CACNA2D3: variants seen among roughly 807,000 people sequenced by gnomAD.
CACNA2D3 encodes calcium voltage-gated channel auxiliary subunit alpha2delta 3.
Under a neutral mutation model 160.6 loss-of-function variants are expected in CACNA2D3, and 60 were observed. The ratio of observed to expected loss-of-function variants is 0.37; its 90% CI spans 0.30 to 0.46. The LOEUF is 0.46. CACNA2D3 is among the 20% of genes least tolerant of loss of function. The pLI, the probability that CACNA2D3 is intolerant of heterozygous loss-of-function variation, is 1.00. For missense variants in CACNA2D3, 1,205 were observed against 1,365.0 expected, an observed-to-expected ratio of 0.88 and a Z score of 1.85; for synonymous variants, 558 against 492.9, an observed-to-expected ratio of 1.13 and a Z score of -1.75.
intron 14 of CACNA2D3, among the ~76,000 whole-genome samples, chr3:54,818,057 A>G (rs1703497264): frequency 6.6e-6 from 1 of 152,158 alleles, no homozygotes; most frequent in Non-Finnish European, 1.5e-5. Context: ...AGACTTCACA[A>G]ATTCTCTGCC....
intron 11 of CACNA2D3, among the ~76,000 whole-genome samples, chr3:54,685,871 A>G: frequency 6.6e-6 from 1 of 152,166 alleles, no homozygotes; most frequent in Non-Finnish European, 1.5e-5. Flanking sequence ...TTCCTACTAT[A>G]ATCATTAACT....
intron 4 of CACNA2D3, among the ~76,000 whole-genome samples, chr3:54,443,694 C>T (rs1237451825): frequency 6.6e-6 from 1 of 152,188 alleles, no homozygotes; most frequent in East Asian, 1.9e-4. Flanking sequence ...ATTCCTTCCT[C>T]ACTGGGTCGG....
intron 11 of CACNA2D3, among the ~76,000 whole-genome samples, chr3:54,715,157 T>TG (rs1250040558): frequency 2.0e-5 from 3 of 152,194 alleles, no homozygotes; most frequent in African/African-American, 4.8e-5. Context: ...AGCTGTGAAT[T>TG]GGGGGGTTCC....
At chr3:54,161,382 C>T (rs961685928) in intron 2 of CACNA2D3, among the ~76,000 whole-genome samples, 1 of 152,144 alleles carries the variant, frequency 6.6e-6, no homozygotes, top group Admixed American at 6.6e-5. Flanking sequence ...TTAAAATATC[C>T]TACTTTTGTT....
intron 4 of CACNA2D3, among the ~76,000 whole-genome samples, chr3:54,475,809 T>TTGTGTGTGTG (rs3030044): frequency 0.086 from 12,314 of 142,744 alleles, 663 homozygotes; most frequent in Middle Eastern, 0.14. Context: ...TGGTTACCAT[T>TTGTGTGTGTG]TGTGTGTGTG....
intron 27 of CACNA2D3, among the ~76,000 whole-genome samples, chr3:54,960,198 A>G (rs1701997986): frequency 6.6e-6 from 1 of 152,206 alleles, no homozygotes; most frequent in Admixed American, 6.5e-5. Context: ...ACAGATTAAA[A>G]TAGGCCTCCT....
At chr3:54,460,266 T>A (rs1700476391) in intron 4 of CACNA2D3, among the ~76,000 whole-genome samples, 1 of 152,326 alleles carries the variant, frequency 6.6e-6, no homozygotes, top group African/African-American at 2.4e-5. Context: ...GGCTCTTTTT[T>A]GGTTCCATAT....
chr3:54,803,788 T>G (rs1368499205), intron 13 of CACNA2D3, among the ~76,000 whole-genome samples: 2 of 152,060 alleles, frequency 1.3e-5, no homozygotes, highest in Non-Finnish European at 2.9e-5. Flanking sequence ...GGAAAAAATG[T>G]TAAGGGCAGC....
At position 54,645,915 on chromosome 3, in the gene CACNA2D3, T is replaced by C. The variant is rs184096547; in HGVS notation, c.1167+3674T>C. Among the ~76,000 whole-genome samples, 189 of 152,110 alleles carry C rather than the reference T, an allele frequency of 1.2e-3. 1 individual carries two copies. Among genetic ancestry groups the C allele is most frequent in the Non-Finnish European group, 2.1e-3 (142 of 67,962 alleles). Reference sequence around the variant, plus strand: ...TCCCATCCTGCCAAGAAGTGTGGTGTAGAGGGCCTAGGGTACCTGCCTGAG... The same window carrying C: ...TCCCATCCTGCCAAGAAGTGTGGTGCAGAGGGCCTAGGGTACCTGCCTGAG... On this transcript the variant is annotated intron_variant, in intron 11 of 37. Transcript: ENST00000474759.
chr3:54,370,541 TTTC>T (rs1297035446), intron 3 of CACNA2D3, among the ~76,000 whole-genome samples: 1 of 152,158 alleles, frequency 6.6e-6, no homozygotes, highest in African/African-American at 2.4e-5. Flanking sequence ...GATGAGAACT[TTTC>T]TTCTGTTCAT....
intron 29 of CACNA2D3, among the ~76,000 whole-genome samples, chr3:54,974,152 C>G (rs752028975): frequency 1.3e-5 from 2 of 152,200 alleles, no homozygotes; most frequent in African/African-American, 4.8e-5. Flanking sequence ...TAACAACTTC[C>G]GTTTCTGAAA....
chr3:55,009,273 C>G, intron 33 of CACNA2D3, 115 bp from the exon 34 acceptor site: 1 of 883,936 alleles, frequency 1.1e-6, no homozygotes. Context: ...TTGATATCTC[C>G]AAATTGTGAT....
At chr3:54,907,502 T>C (rs184234243) in intron 27 of CACNA2D3, among the ~76,000 whole-genome samples, 1 of 152,346 alleles carries the variant, frequency 6.6e-6, no homozygotes, top group African/African-American at 2.4e-5. Context: ...TGGTAAATGC[T>C]TACATCTGGG....
At chr3:54,764,038 T>C (rs1486761041) in intron 12 of CACNA2D3, among the ~76,000 whole-genome samples, 180 bp from the exon 13 acceptor site, 2 of 150,972 alleles carry the variant, frequency 1.3e-5, no homozygotes, top group African/African-American at 4.9e-5. Context: ...TTATTACTCA[T>C]AAAGTGGGTG....
chr3:54,183,701 A>G lies in CACNA2D3; in HGVS notation c.204+60107A>G, dbSNP rs148151597. On this transcript the variant is annotated intron_variant, in intron 2 of 37. Transcript: ENST00000474759. The stretch of plus-strand genomic sequence containing the variant: ...GTAGTTCCAGACCAGTCTGGCCAAC[A>G]TGGTGAAACCCCGTCTCTACTAAAA... Among the ~76,000 whole-genome samples the G allele has an allele frequency of 5.7e-3, 865 of 151,870 alleles. 2 individuals carry two copies. The highest frequency in any genetic ancestry group is 0.01 in the Non-Finnish European group (705 of 67,934).
intron 2 of CACNA2D3, chr3:54,177,730 T>C (rs1397387976): frequency 6.6e-6 from 1 of 152,214 alleles, no homozygotes; most frequent in Non-Finnish European, 1.5e-5. Flanking sequence ...GCTCTTCTGA[T>C]TGCTGCTGAG....
At chr3:54,715,538 G>C (rs1384395166) in intron 11 of CACNA2D3, among the ~76,000 whole-genome samples, 1 of 151,996 alleles carries the variant, frequency 6.6e-6, no homozygotes, top group Non-Finnish European at 1.5e-5. Context: ...TAGAGAGGAG[G>C]CCTGAAATTT....
intron 11 of CACNA2D3, among the ~76,000 whole-genome samples, chr3:54,696,736 C>T (rs1007350387): frequency 6.6e-6 from 1 of 152,196 alleles, no homozygotes; most frequent in Admixed American, 6.5e-5. Flanking sequence ...TCTGCTCTAG[C>T]ACTGAACCCT....
At chr3:54,335,025 G>A (rs545474604) in intron 3 of CACNA2D3, among the ~76,000 whole-genome samples, 2 of 152,330 alleles carry the variant, frequency 1.3e-5, no homozygotes, top group African/African-American at 4.8e-5. Flanking sequence ...GAACATTGAT[G>A]TAAAGTGTTT....
Sources: allele counts gnomAD v4.1 joint callset (sites outside exome capture counted in the v4.1 genomes callset), GRCh38; gene constraint gnomAD v4.1.1; transcripts MANE v1.5; gene names NCBI Gene and HGNC (gene_info 2026-07-23, HGNC 2026-07-21).